The following AXDND1 variants were observed in gnomAD, a reference collection of about 807,000 sequenced individuals.
AXDND1 encodes axonemal dynein light chain domain containing 1, also known as axonemal dynein light chain domain-containing protein 1.
Under a neutral mutation model 137.5 loss-of-function variants are expected in AXDND1, and 110 were observed. The observed-to-expected ratio is 0.80, with a 90% CI of 0.69 to 0.94. AXDND1 has a LOEUF of 0.94. Ranked by LOEUF, AXDND1 falls within the 40% of genes least tolerant of loss-of-function variation. The probability of loss-of-function intolerance (pLI) is 0.00; values close to 1 mark genes in which losing one functional copy is unlikely to be tolerated. For missense variants in AXDND1, 1,191 were observed against 1,169.8 expected (o/e 1.02, Z -0.26); for synonymous variants, 414 against 399.7 (o/e 1.04, Z -0.43).
intron 12 of AXDND1, among the ~76,000 whole-genome samples, chr1:179,422,045 G>GAA (rs71111997): frequency 1.5e-5 from 2 of 130,130 alleles, no homozygotes; most frequent in African/African-American, 2.9e-5. Context: ...CATCTCAAAA[G>GAA]AAAAAAAAAA....
intron 4 of AXDND1, among the ~76,000 whole-genome samples, chr1:179,372,891 C>T (rs918717258): frequency 6.6e-6 from 1 of 152,134 alleles, no homozygotes. Context: ...CCATGTTGGT[C>T]AGGCTGGTCT....
In AXDND1 at chr1:179,517,242, G is replaced by A. The variant is rs187578053; in HGVS notation, c.2496+7839G>A. Among the ~76,000 whole-genome samples, 157 of 152,206 alleles carry A rather than the reference G, an allele frequency of 1.0e-3. 1 individual carries two copies. The highest frequency in any genetic ancestry group is 3.6e-3 in the African/African-American group (151 of 41,528). On this transcript the variant is annotated intron_variant, in intron 21 of 25. Transcript: ENST00000367618. Reference sequence around the variant, plus strand: ...GTCAGGGAAGTGGGGGAAAGCAGGCGGTCACAGACCTCACCTGGTCTCCAC... The same window carrying A: ...GTCAGGGAAGTGGGGGAAAGCAGGCAGTCACAGACCTCACCTGGTCTCCAC...
chr1:179,479,988 T>G (rs1228819049), intron 17 of AXDND1, among the ~76,000 whole-genome samples: 1 of 152,186 alleles, frequency 6.6e-6, no homozygotes, highest in African/African-American at 2.4e-5. Flanking sequence ...GTCCATATCA[T>G]TATCAGCATT....
At chr1:179,432,161 T>C (rs960798438) in intron 14 of AXDND1, 106 bp from the exon 15 acceptor site, 1 of 1,375,406 alleles carries the variant, frequency 7.3e-7, no homozygotes, top group Admixed American at 3.1e-5. Context: ...TGCTTCAAAA[T>C]TATTGAGGAG....
rs562416607 is a variant in AXDND1 at position 179,390,300 on chromosome 1, C to G, written c.864-3603C>G. On this transcript the variant is annotated intron_variant, in intron 9 of 25. Coordinates refer to ENST00000367618, the MANE Select transcript of AXDND1 (RefSeq NM_144696.6). ...GAGTGCTGAGGTTACAGGTGTGAGC[C>G]ATCACGCCTGGCCTAGATCACTGTT... Among the ~76,000 whole-genome samples the G allele has an allele frequency of 8.5e-5, 13 of 152,262 alleles. No individual in the cohort carries two copies. The East Asian group carries it at 1.5e-3, about 18-fold the overall frequency.
chr1:179,478,693 T>G (rs1378853676), intron 17 of AXDND1, among the ~76,000 whole-genome samples: 1 of 152,278 alleles, frequency 6.6e-6, no homozygotes, highest in Non-Finnish European at 1.5e-5. Context: ...TCCTCATTAC[T>G]TATGCAGATT....
intron 20 of AXDND1, among the ~76,000 whole-genome samples, chr1:179,503,348 T>C (rs1668216112): frequency 6.6e-6 from 1 of 151,994 alleles, no homozygotes; most frequent in East Asian, 1.9e-4. Flanking sequence ...TGTTATAAAA[T>C]TTATGTACAA....
chr1:179,447,876 A>G, intron 16 of AXDND1: 1 of 1,344,888 alleles, frequency 7.4e-7, no homozygotes, highest in Non-Finnish European at 1.1e-6. Context: ...GTCTCTGAGG[A>G]GCTCCAGGGG....
At chr1:179,497,698 C>T (rs1403305673) in intron 20 of AXDND1, among the ~76,000 whole-genome samples, 1 of 152,016 alleles carries the variant, frequency 6.6e-6, no homozygotes, top group African/African-American at 2.4e-5. Context: ...GGCCTCCAAA[C>T]AGGAAAAGAA....
At chr1:179,511,984 A>G (rs1250047203) in intron 21 of AXDND1, among the ~76,000 whole-genome samples, 2 of 152,102 alleles carry the variant, frequency 1.3e-5, no homozygotes, top group Admixed American at 1.3e-4. Context: ...AGATGTAAAG[A>G]TTGTGAAGAT....
chr1:179,453,476 G>A (rs1660845031), intron 16 of AXDND1: 1 of 152,402 alleles, frequency 6.6e-6, no homozygotes, highest in Non-Finnish European at 1.5e-5. Context: ...TGTGACACGT[G>A]GAGTCAAAGA....
chr1:179,414,142 A>G (rs1462995696), intron 12 of AXDND1, among the ~76,000 whole-genome samples: 1 of 152,074 alleles, frequency 6.6e-6, no homozygotes, highest in Non-Finnish European at 1.5e-5. Context: ...ATAAATTTAA[A>G]CATTATTTGA....
chr1:179,520,675 A>T (rs1669966151), intron 21 of AXDND1, among the ~76,000 whole-genome samples: 1 of 151,808 alleles, frequency 6.6e-6, no homozygotes, highest in Non-Finnish European at 1.5e-5. Context: ...AGACATGTTT[A>T]TGATGCTGAA....
intron 24 of AXDND1, among the ~76,000 whole-genome samples, chr1:179,534,166 G>A (rs1415644530): frequency 6.6e-6 from 1 of 152,142 alleles, no homozygotes; most frequent in Non-Finnish European, 1.5e-5. Context: ...GATAACTTAG[G>A]GAAATAGATG....
rs766225252 is a variant in AXDND1, at chr1:179,468,641, C to T, written c.1997C>T (p.Ser666Leu). 34 of 1,588,884 alleles carry T rather than the reference C, an allele frequency of 2.1e-5. No individual in the cohort carries two copies. Among genetic ancestry groups the T allele is most frequent in the Admixed American group, 7.2e-5 (4 of 55,728 alleles). Residue 666 changes from serine to leucine, a missense_variant and splice_region_variant, in exon 17 of 26, where the codon TCG becomes TTG. By Grantham distance (145) the Ser-to-Leu change is moderately radical. Coordinates refer to ENST00000367618, the MANE Select transcript of AXDND1 (RefSeq NM_144696.6). The stretch of plus-strand genomic sequence containing the variant: ...CAGCACATAGATGTGGATTCTGTTT[C>T]GTAAGTTCCCATAGGTTTCTTTTGT... ...VPQHIDVDSV[S>L]VLQAYIFNMI...
At chr1:179,433,735 T>C (rs755028226) in intron 15 of AXDND1, among the ~76,000 whole-genome samples, 1 of 152,220 alleles carries the variant, frequency 6.6e-6, no homozygotes, top group Non-Finnish European at 1.5e-5. Flanking sequence ...AGATTGTTTG[T>C]TATGATTTCA....
chr1:179,488,699 CCT>C lies in AXDND1; in HGVS notation c.2092-2832_2092-2831del, dbSNP rs1363164014. 4.0e-5 allele frequency among the ~76,000 whole-genome samples: 4 copies of C among 99,320 alleles called. 1 individual carries two copies. Among genetic ancestry groups the C allele is most frequent in the African/African-American group, 8.4e-5 (2 of 23,872 alleles). The allele number at this position is 99,320 out of a possible 152,430, so 65.2% of individuals were successfully genotyped here. A position where few individuals can be genotyped will look rare whatever the true frequency, so the allele number is the denominator to read the frequency against. On this transcript the variant is annotated intron_variant, in intron 18 of 25. Transcript: ENST00000367618. ...TCTTTCTTTCTTTCTTTCTTTCTTT[CCT>C]CTCTCTGTCTCTCTCTCTCTTTCTT...
chr1:179,473,338 A>G (rs1664195186), intron 17 of AXDND1, among the ~76,000 whole-genome samples: 1 of 151,928 alleles, frequency 6.6e-6, no homozygotes, highest in Admixed American at 6.6e-5. Flanking sequence ...TCTCTACTAA[A>G]AATATAAAAA....
At chr1:179,544,313 T>C (rs983889482) in intron 25 of AXDND1, 1 of 152,204 alleles carries the variant, frequency 6.6e-6, no homozygotes, top group African/African-American at 2.4e-5. Context: ...AAAATAATGC[T>C]TTTTGAAAAC....
Sources: allele counts gnomAD v4.1 joint callset (sites outside exome capture counted in the v4.1 genomes callset), GRCh38; gene constraint gnomAD v4.1.1; transcripts MANE v1.5; gene names NCBI Gene and HGNC (gene_info 2026-07-23, HGNC 2026-07-21).